ATP9B: variants seen among roughly 807,000 people sequenced by gnomAD.
ATP9B encodes ATPase phospholipid transporting 9B, also known as probable phospholipid-transporting ATPase IIB.
A neutral mutation model predicts 146.1 loss-of-function variants in ATP9B; 110 were observed. That is an observed-to-expected ratio of 0.75 (90% CI 0.65 to 0.88). The LOEUF is 0.88. Ranked by LOEUF, ATP9B falls within the 40% of genes least tolerant of loss-of-function variation. ATP9B has a pLI of 0.00. For synonymous variants in ATP9B, 604 were observed against 569.7 expected, an observed-to-expected ratio of 1.06 and a Z score of -0.86; for missense variants, 1,499 against 1,496.4, an observed-to-expected ratio of 1.00 and a Z score of -0.03.
intron 11 of ATP9B, among the ~76,000 whole-genome samples, chr18:79,219,096 G>C (rs2095654729): frequency 6.6e-6 from 1 of 152,222 alleles, no homozygotes; most frequent in South Asian, 2.1e-4. Context: ...GCTGGGGACA[G>C]AGAAGATCAT....
chr18:79,237,618 A>G (rs1423619938), intron 11 of ATP9B, among the ~76,000 whole-genome samples: 3 of 147,890 alleles, frequency 2.0e-5, no homozygotes, highest in Non-Finnish European at 4.5e-5. Flanking sequence ...ATAATGTCTT[A>G]TGATTGTTCT....
intron 9 of ATP9B, among the ~76,000 whole-genome samples, chr18:79,206,622 T>TA: frequency 1.3e-5 from 1 of 78,468 alleles, no homozygotes; most frequent in South Asian, 5.7e-4. Flanking sequence ...TAATAACACC[T>TA]CATAAATAAA....
At chr18:79,206,642 A>C (rs998493242) in intron 9 of ATP9B, among the ~76,000 whole-genome samples, 1 of 151,770 alleles carries the variant, frequency 6.6e-6, no homozygotes, top group Non-Finnish European at 1.5e-5. Context: ...ATAAATAAAT[A>C]AATAAATAAA....
At position 79,138,173 on chromosome 18, in the gene ATP9B, ATTTATG is replaced by A. The variant is rs562139143; in HGVS notation, c.668-5623_668-5618del. On this transcript the variant is annotated intron_variant, in intron 5 of 29. Coordinates refer to ENST00000426216, the MANE Select transcript of ATP9B (RefSeq NM_198531.5). ...TTGTTCAACTAGAATTTTTACCAGT[ATTTATG>A]TTTATTAGGTAAGAAATTTTAGAAT... is the stretch of plus-strand genomic sequence containing the variant. 1.5e-3 allele frequency among the ~76,000 whole-genome samples: 221 copies of A among 152,278 alleles called. 3 individuals carry two copies. The highest frequency in any genetic ancestry group is 5.0e-3 in the African/African-American group (208 of 41,544).
At chr18:79,237,081 G>A (rs373959299) in intron 11 of ATP9B, among the ~76,000 whole-genome samples, 16 of 40,862 alleles carry the variant, frequency 3.9e-4, no homozygotes, top group African/African-American at 2.0e-3. Flanking sequence ...TACACAGTCC[G>A]TGCACGAGTC....
At chr18:79,154,001 C>T (rs1303837373) in intron 6 of ATP9B, among the ~76,000 whole-genome samples, 1 of 147,192 alleles carries the variant, frequency 6.8e-6, no homozygotes, top group Non-Finnish European at 1.5e-5. Flanking sequence ...CTCTGTCACC[C>T]AGGCTGGAGT....
chr18:79,072,787 C>T (rs887817501), intron 1 of ATP9B, among the ~76,000 whole-genome samples: 4 of 152,128 alleles, frequency 2.6e-5, no homozygotes, highest in Admixed American at 2.0e-4. Flanking sequence ...ATGCTTCTCA[C>T]CTCCCAGATG....
At chr18:79,233,013 C>T (rs188605929) in intron 11 of ATP9B, among the ~76,000 whole-genome samples, 3 of 152,152 alleles carry the variant, frequency 2.0e-5, no homozygotes, top group East Asian at 1.9e-4. Context: ...AATATGTGGC[C>T]GGGCACGGTG....
intron 7 of ATP9B, among the ~76,000 whole-genome samples, chr18:79,170,179 C>T (rs1274543616): frequency 2.6e-5 from 4 of 152,306 alleles, no homozygotes; most frequent in South Asian, 2.1e-4. Context: ...TTTCATTCAC[C>T]GGCTCTGTCC....
intron 1 of ATP9B, among the ~76,000 whole-genome samples, chr18:79,075,539 A>G (rs1161670502): frequency 6.6e-6 from 1 of 152,122 alleles, no homozygotes; most frequent in Non-Finnish European, 1.5e-5. Context: ...ATGCATTGAC[A>G]CTTTTATCAT....
rs1009187848 is a variant in ATP9B at position 79,220,215 on chromosome 18, G to A, written c.1107+6177G>A. On this transcript the variant is annotated intron_variant, in intron 11 of 29. Coordinates refer to ENST00000426216, the MANE Select transcript of ATP9B (RefSeq NM_198531.5). ...AGACTTCGAGTACAGTGATGAAAAT[G>A]AGTTGTTGAAGTTTGGAGGCTGTTA... Among the ~76,000 whole-genome samples the A allele has an allele frequency of 2.8e-4, 42 of 152,186 alleles. 1 individual carries two copies. The highest frequency in any genetic ancestry group is 9.6e-4 in the African/African-American group (40 of 41,452).
At chr18:79,252,582 G>C (rs1437309631) in intron 11 of ATP9B, among the ~76,000 whole-genome samples, 1 of 152,198 alleles carries the variant, frequency 6.6e-6, no homozygotes, top group East Asian at 1.9e-4. Flanking sequence ...AGTGAGAGCT[G>C]CTTGGGTTGC....
chr18:79,350,045 G>A (rs1383031826), intron 25 of ATP9B, among the ~76,000 whole-genome samples: 1 of 152,168 alleles, frequency 6.6e-6, no homozygotes, highest in Non-Finnish European at 1.5e-5. Context: ...GAACTTCAGT[G>A]CATGCGAATT....
chr18:79,361,852 C>G, intron 26 of ATP9B: 6 of 968,118 alleles, frequency 6.2e-6, no homozygotes, highest in Non-Finnish European at 6.1e-6. Context: ...CAGTGGACAC[C>G]AAGTCCCCAG....
intron 4 of ATP9B, among the ~76,000 whole-genome samples, chr18:79,120,024 A>G (rs924005445): frequency 6.6e-6 from 1 of 152,240 alleles, no homozygotes; most frequent in African/African-American, 2.4e-5. Flanking sequence ...ACTATTTAAA[A>G]TAATGCAAAT....
intron 15 of ATP9B, among the ~76,000 whole-genome samples, chr18:79,327,928 CTGGTTAGCGTGCTCTCCG>C (rs1386741070): frequency 0.076 from 1,336 of 17,574 alleles, 123 homozygotes; most frequent in Middle Eastern, 0.12. Context: ...CGTGCTCTCT[CTGGTTAGCGTGCTCTCCG>C]TGGTTAGCGT....
At chr18:79,342,161 G>C in intron 19 of ATP9B, 107 bp from the exon 20 acceptor site, 1 of 745,334 alleles carries the variant, frequency 1.3e-6, no homozygotes, top group South Asian at 1.5e-5. Context: ...ATCTATTGAC[G>C]GGCACCTGGG....
chr18:79,136,997 C>T (rs1167222450), intron 5 of ATP9B, among the ~76,000 whole-genome samples: 1 of 152,208 alleles, frequency 6.6e-6, no homozygotes, highest in Non-Finnish European at 1.5e-5. Context: ...ATTCATTTAC[C>T]TCCCACCGGG....
chr18:79,252,800 T>C (rs906172120), intron 11 of ATP9B, among the ~76,000 whole-genome samples: 4 of 151,724 alleles, frequency 2.6e-5, no homozygotes, highest in Non-Finnish European at 5.9e-5. Flanking sequence ...ACTATTGCTT[T>C]TTTTTTTTTT....
Sources: gnomAD v4.1 joint callset for allele counts (sites outside exome capture counted in the v4.1 genomes callset) on GRCh38, gnomAD v4.1.1 for gene constraint, MANE v1.5 for transcripts, NCBI Gene and HGNC (gene_info 2026-07-23, HGNC 2026-07-21) for gene names.